SIM1: variants seen among roughly 807,000 people sequenced by gnomAD.
SIM1 encodes SIM bHLH transcription factor 1, also known as single-minded homolog 1.
SIM1 carries 18 observed loss-of-function variants against 78.2 expected under a neutral mutation model. That is an observed-to-expected ratio of 0.23 (90% CI 0.16 to 0.34). SIM1 has a LOEUF of 0.34. Among genes scored for constraint, SIM1 ranks in the 10% least tolerant of loss-of-function variants. The pLI, the probability that SIM1 is intolerant of heterozygous loss-of-function variation, is 1.00. For synonymous variants in SIM1, 417 were observed against 385.2 expected, an observed-to-expected ratio of 1.08 and a Z score of -0.97; for missense variants, 939 against 975.1, an observed-to-expected ratio of 0.96 and a Z score of 0.49.
At chr6:100,423,182 A>G (rs1771640444) in intron 9 of SIM1, among the ~76,000 whole-genome samples, 1 of 152,152 alleles carries the variant, frequency 6.6e-6, no homozygotes, top group Admixed American at 6.6e-5. Context: ...TGTGGCTCCC[A>G]CTTATTTTTC....
In SIM1 at chr6:100,418,740, A is replaced by G. The variant is rs56065505; in HGVS notation, c.1167+2050T>C. 5.9e-3 allele frequency among the ~76,000 whole-genome samples: 892 copies of G among 152,310 alleles called. 11 individuals are homozygous for G. Among genetic ancestry groups the G allele is most frequent in the African/African-American group, 0.02 (852 of 41,572 alleles). The stretch of plus-strand genomic sequence containing the variant: ...CTTCTTTCATCTATGTGTCCAACAC[A>G]TCTATATATTAAAGGAGAGAACTAC... On this transcript the variant is annotated intron_variant, in intron 10 of 11. Transcript: ENST00000369208.
chr6:100,458,015 TCTCTC>T (rs1772722734), intron 2 of SIM1, among the ~76,000 whole-genome samples: 1 of 10,964 alleles, frequency 9.1e-5, no homozygotes, highest in African/African-American at 2.3e-4. Flanking sequence ...TTTCTCTCTC[TCTCTC>T]TCTCTCTCTC....
intron 10 of SIM1, among the ~76,000 whole-genome samples, chr6:100,418,679 C>T (rs962664215): frequency 6.6e-6 from 1 of 152,120 alleles, no homozygotes; most frequent in Non-Finnish European, 1.5e-5. Context: ...TAACAATAGA[C>T]AAACTCCTTC....
At position 100,448,632 on chromosome 6, in the gene SIM1, T is replaced by C. The variant is rs1244846812; in HGVS notation, c.590A>G (p.Asp197Gly). 2 of 1,613,756 alleles carry C rather than the reference T, an allele frequency of 1.2e-6. No homozygotes were observed. The highest frequency in any genetic ancestry group is 1.7e-6 in the Non-Finnish European group (2 of 1,180,028). Residue 197 changes from aspartate to glycine, a missense_variant, in exon 7 of 12, where the codon GAC becomes GGC. Physicochemically the swap from Asp to Gly is moderately conservative, Grantham distance 94. Coordinates refer to ENST00000369208, the MANE Select transcript of SIM1 (RefSeq NM_005068.3). ...GTAGCAGCCGTCGAAGGGGGACATG[T>C]CCAGGCTGTACTGGCGGATCTTCAA... is the stretch of plus-strand genomic sequence containing the variant. ...GYLKIRQYSL[D>G]MSPFDGCYQN... is the part of the protein sequence containing the mutation.
At chr6:100,459,333 G>C (rs111310503) in intron 2 of SIM1, among the ~76,000 whole-genome samples, 1 of 152,038 alleles carries the variant, frequency 6.6e-6, no homozygotes, top group South Asian at 2.1e-4. Context: ...TGCTCTGCAC[G>C]GAGTTTAGTT....
chr6:100,448,425 T>G lies in SIM1; in HGVS notation c.743+54A>C, dbSNP rs971796732. ...GGATAGACGGAAATCTCTCAGTCAC[T>G]AAGCAGGGCCGCCCTCAGGCTAGGA... On this transcript the variant is annotated intron_variant, in intron 7 of 11. Transcript: ENST00000369208. 5 of 1,565,136 alleles carry G rather than the reference T, an allele frequency of 3.2e-6. No homozygotes were observed. The African/African-American group carries it at 5.4e-5, about 17-fold the overall frequency.
intron 9 of SIM1, among the ~76,000 whole-genome samples, chr6:100,423,089 A>G (rs1466527903): frequency 6.6e-6 from 1 of 152,230 alleles, no homozygotes; most frequent in Admixed American, 6.5e-5. Context: ...CGATCTCATC[A>G]CTGGTCTACT....
At chr6:100,462,728 T>C (rs930344366) in intron 2 of SIM1, 5 of 152,280 alleles carry the variant, frequency 3.3e-5, no homozygotes, top group African/African-American at 7.2e-5. Context: ...AATCTGCGAA[T>C]GTCTTGAAAA....
At chr6:100,428,426 C>T (rs1771792693) in intron 9 of SIM1, among the ~76,000 whole-genome samples, 1 of 152,030 alleles carries the variant, frequency 6.6e-6, no homozygotes, top group African/African-American at 2.4e-5. Flanking sequence ...TGCTGAGAAA[C>T]ATTTTTTAAA....
intron 9 of SIM1, among the ~76,000 whole-genome samples, chr6:100,426,349 T>C (rs1243892765): frequency 6.6e-6 from 1 of 152,228 alleles, no homozygotes; most frequent in Admixed American, 6.5e-5. Context: ...ATAATAGTCA[T>C]GTACATATTT....
At chr6:100,420,249 T>C (rs2114503420) in intron 10 of SIM1, among the ~76,000 whole-genome samples, 1 of 152,340 alleles carries the variant, frequency 6.6e-6, no homozygotes, top group South Asian at 2.1e-4. Flanking sequence ...ATCTTCTCTC[T>C]ACCTTGCAAA....
At position 100,463,328 on chromosome 6, in the gene SIM1, G is replaced by A. The variant is rs369709909; in HGVS notation, c.141C>T (p.Thr47=). ...ACACCACTCTCATTTTGAGATAGCT[G>A]GTCGTGAGTCTGATTATGGATGCTT... is the stretch of plus-strand genomic sequence containing the variant. The part of the protein sequence containing the change: ...LDKASIIRLT[T]SYLKMRVVFP... Residue 47 remains threonine (T), a synonymous_variant, in exon 2 of 12, where the codon ACC becomes ACT. Coordinates refer to ENST00000369208, the MANE Select transcript of SIM1 (RefSeq NM_005068.3). The A allele has an allele frequency of 1.4e-5, 22 of 1,613,302 alleles. No individual in the cohort carries two copies. Among genetic ancestry groups the A allele is most frequent in the Non-Finnish European group, 1.8e-5 (21 of 1,179,426 alleles).
At chr6:100,434,321 G>C (rs1771984170) in intron 9 of SIM1, among the ~76,000 whole-genome samples, 2 of 152,174 alleles carry the variant, frequency 1.3e-5, no homozygotes, top group Non-Finnish European at 2.9e-5. Flanking sequence ...CAGGACTGTG[G>C]TAAGATTTCA....
At chr6:100,403,797 G>A (rs768141744) in intron 10 of SIM1, among the ~76,000 whole-genome samples, 13 of 152,138 alleles carry the variant, frequency 8.5e-5, no homozygotes, top group African/African-American at 1.7e-4. Flanking sequence ...CTATGCATTC[G>A]TCACTATGCA....
chr6:100,396,204 T>C (rs1416806800), intron 10 of SIM1: 2 of 287,408 alleles, frequency 7.0e-6, no homozygotes, highest in Non-Finnish European at 1.0e-5. Context: ...ATGTGTTCCT[T>C]GAGAGTACCA....
At chr6:100,416,378 G>A (rs1294319293) in intron 10 of SIM1, among the ~76,000 whole-genome samples, 1 of 152,080 alleles carries the variant, frequency 6.6e-6, no homozygotes, top group Non-Finnish European at 1.5e-5. Context: ...ATCTAGATAT[G>A]CCTAATACAT....
intron 10 of SIM1, among the ~76,000 whole-genome samples, chr6:100,406,507 T>C (rs1771054197): frequency 6.6e-6 from 1 of 152,152 alleles, no homozygotes; most frequent in Admixed American, 6.5e-5. Flanking sequence ...AGGAGGTCTA[T>C]CAGATTTGTA....
At chr6:100,423,789 C>T (rs1378458105) in intron 9 of SIM1, among the ~76,000 whole-genome samples, 2 of 152,176 alleles carry the variant, frequency 1.3e-5, no homozygotes, top group Admixed American at 6.5e-5. Context: ...CATCAGTGAG[C>T]CAAGTTAACT....
At chr6:100,409,414 T>A (rs1467697975) in intron 10 of SIM1, among the ~76,000 whole-genome samples, 1 of 151,192 alleles carries the variant, frequency 6.6e-6, no homozygotes, top group Non-Finnish European at 1.5e-5. Context: ...AATTTTTTAT[T>A]TCTGTCCCCT....
Sources: allele counts gnomAD v4.1 joint callset (sites outside exome capture counted in the v4.1 genomes callset), GRCh38; gene constraint gnomAD v4.1.1; transcripts MANE v1.5; gene names NCBI Gene and HGNC (gene_info 2026-07-23, HGNC 2026-07-21).